Variants in OTUD7B observed in about 807,000 individuals in gnomAD.
The protein encoded by OTUD7B is OTU domain-containing protein 7B.
Under a neutral mutation model 82.2 loss-of-function variants are expected in OTUD7B, and 34 were observed. The observed-to-expected ratio is 0.41, with a 90% CI of 0.31 to 0.55. OTUD7B has a LOEUF of 0.55. Among genes scored for constraint, OTUD7B ranks in the 20% least tolerant of loss-of-function variants. The probability of loss-of-function intolerance (pLI) is 0.20; values close to 1 mark genes in which losing one functional copy is unlikely to be tolerated. For missense variants in OTUD7B, 944 were observed against 1,062.1 expected, an observed-to-expected ratio of 0.89 and a Z score of 1.55; for synonymous variants, 398 against 402.7, an observed-to-expected ratio of 0.99 and a Z score of 0.14.
chr1:149,967,352 G>A lies in OTUD7B; in HGVS notation c.444C>T (p.Arg148=). 6.2e-7 allele frequency: 1 copy of A among 1,614,134 alleles called. No homozygotes were observed. Among genetic ancestry groups the A allele is most frequent in the Non-Finnish European group, 8.5e-7 (1 of 1,180,004 alleles). ...PDLTVYNEDF[R]SFIERDLIEQ... ...CAATGAGGTCTCTCTCTATGAAGCT[G>A]CGGAAGTCTTCATTGTATACAGTGA... The change falls in exon 4 of 12, where the codon CGC becomes CGT. Residue 148 remains arginine, a synonymous_variant. Coordinates refer to ENST00000581312, the MANE Select transcript of OTUD7B (RefSeq NM_020205.4).
intron 1 of OTUD7B, among the ~76,000 whole-genome samples, chr1:149,992,079 T>C (rs1253065762): frequency 1.3e-5 from 2 of 151,872 alleles, no homozygotes; most frequent in Non-Finnish European, 2.9e-5. Context: ...AATACAAAAA[T>C]TAGCTGGGCA....
chr1:150,017,603 T>C, the OTUD7B span, among the ~76,000 whole-genome samples: 1 of 152,122 alleles, frequency 6.6e-6, no homozygotes, highest in African/African-American at 2.4e-5. Flanking sequence ...ACACTTTAGC[T>C]CAGGCAATGA....
chr1:149,947,882 G>A (rs142711615), intron 10 of OTUD7B, among the ~76,000 whole-genome samples: 18 of 152,272 alleles, frequency 1.2e-4, no homozygotes, highest in African/African-American at 3.9e-4. Context: ...ACAAGCCACA[G>A]GGAGGTAGAG....
intron 1 of OTUD7B, among the ~76,000 whole-genome samples, chr1:149,996,471 A>G (rs1480358587): frequency 6.6e-6 from 1 of 152,366 alleles, no homozygotes; most frequent in East Asian, 1.9e-4. Flanking sequence ...TAATGTAACA[A>G]TGGTTGCAGA....
chr1:149,964,886 G>A (rs1237000850), intron 5 of OTUD7B, among the ~76,000 whole-genome samples: 7 of 145,602 alleles, frequency 4.8e-5, no homozygotes, highest in Non-Finnish European at 9.0e-5. Context: ...GAGCCACCAC[G>A]CCTGACCTTT....
At chr1:149,986,237 T>TCACACACACA (rs34962941) in intron 1 of OTUD7B, among the ~76,000 whole-genome samples, 21 of 136,544 alleles carry the variant, frequency 1.5e-4, no homozygotes, top group African/African-American at 6.0e-4. Context: ...TGGTACCCCA[T>TCACACACACA]CACACACACA....
chr1:150,026,376 T>G, the OTUD7B span, among the ~76,000 whole-genome samples: 2 of 152,236 alleles, frequency 1.3e-5, no homozygotes, highest in African/African-American at 4.8e-5. Flanking sequence ...GAATATTTAT[T>G]TATTATTTTG....
chr1:150,029,451 A>T, the OTUD7B span, among the ~76,000 whole-genome samples: 2 of 152,232 alleles, frequency 1.3e-5, no homozygotes, highest in Non-Finnish European at 2.9e-5. Context: ...TGTTTGGCAC[A>T]TAAGTAACTA....
intron 1 of OTUD7B, among the ~76,000 whole-genome samples, chr1:150,003,868 C>T (rs587691073): frequency 1.3e-5 from 2 of 152,272 alleles, no homozygotes; most frequent in East Asian, 3.9e-4. Flanking sequence ...CTACCCCCAT[C>T]TTTACTCCAG....
the OTUD7B span, among the ~76,000 whole-genome samples, chr1:150,022,426 A>AT: frequency 0.22 from 22,632 of 100,804 alleles, 8,859 homozygotes; most frequent in Admixed American, 0.26. Context: ...AAAAAAAATA[A>AT]CTACATGCTG....
chr1:150,045,304 C>T, the OTUD7B span, among the ~76,000 whole-genome samples: 3 of 151,594 alleles, frequency 2.0e-5, no homozygotes, highest in Admixed American at 6.6e-5. Context: ...ATGTTGGCCA[C>T]GCTGGTCTCG....
rs75910321 is a variant in OTUD7B at position 149,950,007 on chromosome 1, C to T, written c.973+87G>A. The T allele has an allele frequency of 4.4e-3, 6,787 of 1,549,958 alleles. 268 individuals are homozygous for T. The African/African-American group carries it at 0.08, about 18-fold the overall frequency. On this transcript the variant is annotated intron_variant, in intron 8 of 11. Transcript: ENST00000581312. ...TTTTTCCCCAAGGGTCTATATATCC[C>T]CTTTCCTGCCTTCCTTCCAATGCTT...
At chr1:149,978,145 G>C (rs901264567) in intron 1 of OTUD7B, among the ~76,000 whole-genome samples, 1 of 152,184 alleles carries the variant, frequency 6.6e-6, no homozygotes, top group Non-Finnish European at 1.5e-5. Flanking sequence ...CTATACACTG[G>C]ATAATTTCAG....
chr1:150,009,126 ATGTATT>A (rs1652859766), intron 1 of OTUD7B, among the ~76,000 whole-genome samples: 1 of 152,222 alleles, frequency 6.6e-6, no homozygotes, highest in Non-Finnish European at 1.5e-5. Flanking sequence ...TTTGCGCATA[ATGTATT>A]TGTAAGTTAT....
chr1:150,024,374 A>G, the OTUD7B span, among the ~76,000 whole-genome samples: 1 of 152,200 alleles, frequency 6.6e-6, no homozygotes, highest in African/African-American at 2.4e-5. Flanking sequence ...CAGACTTATG[A>G]GGGGACATTA....
chr1:149,981,094 AGAG>A (rs1319972625), intron 1 of OTUD7B, among the ~76,000 whole-genome samples: 5 of 145,474 alleles, frequency 3.4e-5, no homozygotes, highest in Middle Eastern at 3.5e-3. Flanking sequence ...AGGAGGAGGA[AGAG>A]GAGGAGGAAG....
chr1:150,009,242 G>A (rs1393364822), intron 1 of OTUD7B, among the ~76,000 whole-genome samples: 3 of 152,184 alleles, frequency 2.0e-5, no homozygotes, highest in Admixed American at 6.5e-5. Context: ...TTAGTAGGAA[G>A]AAAATTTTCT....
At chr1:149,989,122 A>G (rs1269900026) in intron 1 of OTUD7B, among the ~76,000 whole-genome samples, 1 of 152,138 alleles carries the variant, frequency 6.6e-6, no homozygotes, top group African/African-American at 2.4e-5. Context: ...CACTTCATAA[A>G]TTTCTTCTGG....
intron 2 of OTUD7B, among the ~76,000 whole-genome samples, chr1:149,973,927 A>C (rs1436309353): frequency 2.4e-4 from 33 of 138,268 alleles, no homozygotes; most frequent in African/African-American, 9.0e-4. Context: ...GCATGATCTC[A>C]GCTCACTGCA....
Sources: gnomAD v4.1 joint callset for allele counts (sites outside exome capture counted in the v4.1 genomes callset) on GRCh38, gnomAD v4.1.1 for gene constraint, MANE v1.5 for transcripts, NCBI Gene and HGNC (gene_info 2026-07-23, HGNC 2026-07-21) for gene names.